The following ZNF565 variants were observed in gnomAD, a reference collection of about 807,000 sequenced individuals.
ZNF565 encodes the protein zinc finger protein 565.
ZNF565 carries 27 observed loss-of-function variants against 39.4 expected under a neutral mutation model. That is an observed-to-expected ratio of 0.69 (90% CI 0.51 to 0.95). The LOEUF (loss-of-function observed/expected upper bound fraction) is 0.95, where lower values mean the gene tolerates loss of function less well. Among genes scored for constraint, ZNF565 ranks in the 40% least tolerant of loss-of-function variants. The pLI is 0.00. For synonymous variants in ZNF565, 185 were observed against 216.6 expected, an observed-to-expected ratio of 0.85 and a Z score of 1.28; for missense variants, 524 against 621.1, an observed-to-expected ratio of 0.84 and a Z score of 1.66.
chr19:36,234,630 C>A (rs1166803576), intron 1 of ZNF565, among the ~76,000 whole-genome samples: 2 of 152,146 alleles, frequency 1.3e-5, no homozygotes, highest in African/African-American at 2.4e-5. Context: ...ATCTCCTGAC[C>A]TCGTGATCCG....
chr19:36,210,987 T>C (rs1976333237), intron 1 of ZNF565, among the ~76,000 whole-genome samples: 1 of 149,828 alleles, frequency 6.7e-6, no homozygotes, highest in South Asian at 2.1e-4. Context: ...TGGCCAAATG[T>C]GTGATAATTT....
intron 1 of ZNF565, among the ~76,000 whole-genome samples, chr19:36,227,034 G>C (rs1185264174): frequency 6.6e-6 from 1 of 151,496 alleles, no homozygotes. Context: ...AGTGAGCCGA[G>C]ATCGCACCAC....
intron 1 of ZNF565, among the ~76,000 whole-genome samples, chr19:36,240,612 T>G (rs1310544396): frequency 6.6e-6 from 1 of 152,196 alleles, no homozygotes; most frequent in East Asian, 1.9e-4. Flanking sequence ...CTCACACCTG[T>G]AATCTCAGCA....
At chr19:36,224,198 A>G (rs145950619) in intron 1 of ZNF565, among the ~76,000 whole-genome samples, 2,300 of 152,290 alleles carry the variant, frequency 0.015, 23 homozygotes, top group Non-Finnish European at 0.024. Flanking sequence ...CCTGGCCAAT[A>G]TGGAGAAACC....
At chr19:36,218,403 A>G (rs140287610), upstream of ZNF565, among the ~76,000 whole-genome samples, 588 of 152,186 alleles carry the variant, frequency 3.9e-3, 2 homozygotes, top group Non-Finnish European at 5.8e-3. Context: ...CTCAGAAAAT[A>G]TTATAGTCCT....
intron 4 of ZNF565, among the ~76,000 whole-genome samples, chr19:36,187,832 G>A (rs1568411275): frequency 6.8e-6 from 1 of 147,210 alleles, no homozygotes; most frequent in Admixed American, 6.8e-5. Context: ...TAGAGAAGGG[G>A]TTTCACTGTG....
intron 1 of ZNF565, among the ~76,000 whole-genome samples, chr19:36,232,211 A>G (rs1047564268): frequency 6.6e-6 from 1 of 151,986 alleles, no homozygotes; most frequent in East Asian, 1.9e-4. Context: ...AAAAAAAAAA[A>G]ACATACAAAT....
At chr19:36,189,287 TCA>T (rs1417406640) in intron 4 of ZNF565, among the ~76,000 whole-genome samples, 2 of 150,494 alleles carry the variant, frequency 1.3e-5, no homozygotes, top group Non-Finnish European at 3.0e-5. Flanking sequence ...AGAACCTGTC[TCA>T]CAAAAATAAA....
chr19:36,235,077 T>C (rs903447353), intron 1 of ZNF565, among the ~76,000 whole-genome samples: 1 of 152,034 alleles, frequency 6.6e-6, no homozygotes, highest in Non-Finnish European at 1.5e-5. Context: ...GGTATGGTGG[T>C]GCACACCTGT....
chr19:36,219,220 G>A (rs972584733), upstream of ZNF565, among the ~76,000 whole-genome samples: 6 of 152,072 alleles, frequency 3.9e-5, no homozygotes, highest in African/African-American at 1.4e-4. Flanking sequence ...GCACTGGTGC[G>A]ATCACATCTC....
At chr19:36,194,928 T>C (rs1400058772) in intron 3 of ZNF565, 102 bp downstream of exon 3, 6 of 1,573,082 alleles carry the variant, frequency 3.8e-6, no homozygotes, top group Non-Finnish European at 4.4e-6. Context: ...CTGTGACAGT[T>C]TCCTCTCCTC....
At chr19:36,183,997 G>A (rs1975190409) in intron 4 of ZNF565, among the ~76,000 whole-genome samples, 1 of 140,316 alleles carries the variant, frequency 7.1e-6, no homozygotes, top group Non-Finnish European at 1.5e-5. Flanking sequence ...AGAATCGCTT[G>A]AACCTGGGAG....
At chr19:36,184,458 T>C (rs1355366257) in intron 4 of ZNF565, among the ~76,000 whole-genome samples, 1 of 151,866 alleles carries the variant, frequency 6.6e-6, no homozygotes, top group Non-Finnish European at 1.5e-5. Context: ...AAAGATGGGG[T>C]TTCACCATAT....
chr19:36,193,133 C>T (rs1975624601), intron 4 of ZNF565, among the ~76,000 whole-genome samples: 1 of 151,898 alleles, frequency 6.6e-6, no homozygotes, highest in Non-Finnish European at 1.5e-5. Context: ...GTAGCTGGGA[C>T]TATAGGCGTC....
At chr19:36,230,882 A>G (rs1599984574) in intron 1 of ZNF565, among the ~76,000 whole-genome samples, 1 of 151,690 alleles carries the variant, frequency 6.6e-6, no homozygotes, top group Admixed American at 6.6e-5. Flanking sequence ...GCTCACTGCA[A>G]CCTCCACTTT....
intron 1 of ZNF565, among the ~76,000 whole-genome samples, chr19:36,205,126 G>T (rs749427786): frequency 1.3e-5 from 2 of 152,138 alleles, no homozygotes; most frequent in Non-Finnish European, 2.9e-5. Context: ...ACAGGCTGAT[G>T]CATAAAAGTT....
chr19:36,198,960 C>T (rs76842886), intron 2 of ZNF565, among the ~76,000 whole-genome samples: 7,466 of 152,212 alleles, frequency 0.049, 581 homozygotes, highest in African/African-American at 0.17. Flanking sequence ...AGGATAAATG[C>T]TTGAGGGGTT....
intron 1 of ZNF565, among the ~76,000 whole-genome samples, chr19:36,209,737 A>G (rs1302799842): frequency 6.6e-6 from 1 of 152,132 alleles, no homozygotes; most frequent in African/African-American, 2.4e-5. Flanking sequence ...TTATGAATAC[A>G]AAGGGTTTAG....
intron 1 of ZNF565, among the ~76,000 whole-genome samples, chr19:36,220,923 C>G (rs10426716): frequency 2.0e-5 from 3 of 150,234 alleles, no homozygotes; most frequent in Non-Finnish European, 4.4e-5. Flanking sequence ...GTGATCTTGG[C>G]TCACTTGCAA....
Sources: gnomAD v4.1 joint callset for allele counts (sites outside exome capture counted in the v4.1 genomes callset) on GRCh38, gnomAD v4.1.1 for gene constraint, MANE v1.5 for transcripts, NCBI Gene and HGNC (gene_info 2026-07-23, HGNC 2026-07-21) for gene names.